ZNF107: variants seen among roughly 807,000 people sequenced by gnomAD.
ZNF107 encodes zinc finger protein 107.
In ZNF107, 19 loss-of-function variants were observed where a neutral mutation model predicts 12.3. The ratio of observed to expected loss-of-function variants is 1.55; its 90% CI spans 1.08 to 2.27. The LOEUF (loss-of-function observed/expected upper bound fraction) is 2.27. ZNF107 is among the 30% of genes most tolerant of loss of function. The probability of loss-of-function intolerance (pLI) is 0.00; values close to 1 mark genes in which losing one functional copy is unlikely to be tolerated. For missense variants in ZNF107, 958 were observed against 979.9 expected (o/e 0.98, Z 0.30); for synonymous variants, 317 against 330.5 (o/e 0.96, Z 0.44).
intron 3 of ZNF107, among the ~76,000 whole-genome samples, chr7:64,693,930 A>G (rs545834744): frequency 6.6e-6 from 1 of 152,268 alleles, no homozygotes; most frequent in Admixed American, 6.5e-5. Flanking sequence ...CTGGGATTAC[A>G]GATGTGTGCC....
Position 64,709,146 on chromosome 7 carries a change from A to G in ZNF107, c.*490A>G. On this transcript the variant is annotated 3_prime_UTR_variant, in exon 4 of 4. Transcript: ENST00000620827. ...GCCTACAATTGTGAAGAATGTGGCA[A>G]AGCTTTTAACCTTCCTTAACCCTTA... 2.2e-6 allele frequency: 1 copy of G among 462,432 alleles called. No homozygotes were observed. The allele number at this position is 462,432 out of a possible 1,614,324, so 28.6% of individuals were successfully genotyped here.
rs1330384654 is a variant in ZNF107 at position 64,709,698 on chromosome 7, C to T, written c.*1042C>T. On this transcript the variant is annotated 3_prime_UTR_variant, in exon 4 of 4. Coordinates refer to ENST00000620827, the MANE Select transcript of ZNF107 (RefSeq NM_001282359.2). Reference sequence around the variant, plus strand: ...GCATTTATACTTCAGAAAGATTGTACAAATACAAGGAATGTGGAAAAGCCA... The same window carrying T: ...GCATTTATACTTCAGAAAGATTGTATAAATACAAGGAATGTGGAAAAGCCA... The T allele has an allele frequency of 1.1e-5, 5 of 455,618 alleles. No homozygotes were observed. Among genetic ancestry groups the T allele is most frequent in the Non-Finnish European group, 2.2e-5 (5 of 226,680 alleles). The allele number at this position is 455,618 out of a possible 1,614,324, so 28.2% of individuals were successfully genotyped here.
chr7:64,693,266 G>A (rs1324577580), intron 3 of ZNF107, among the ~76,000 whole-genome samples: 1 of 149,078 alleles, frequency 6.7e-6, no homozygotes, highest in Admixed American at 6.7e-5. Context: ...GCCCGTCTCG[G>A]CCTCCCAAAG....
At chr7:64,673,235 G>A (rs1297473860) in intron 1 of ZNF107, among the ~76,000 whole-genome samples, 1 of 152,120 alleles carries the variant, frequency 6.6e-6, no homozygotes, top group Non-Finnish European at 1.5e-5. Flanking sequence ...GTAGAGATGG[G>A]GTTTCACCAT....
intron 3 of ZNF107, among the ~76,000 whole-genome samples, chr7:64,703,628 C>G (rs141667674): frequency 0.019 from 2,898 of 152,160 alleles, 81 homozygotes; most frequent in African/African-American, 0.064. Context: ...GGGGTTTCAC[C>G]ATGTTGGCCA....
At chr7:64,681,894 G>A (rs571376216) in intron 1 of ZNF107, among the ~76,000 whole-genome samples, 14 of 151,932 alleles carry the variant, frequency 9.2e-5, no homozygotes, top group East Asian at 7.8e-4. Context: ...CTATTATTCC[G>A]TTCTCAGCCT....
chr7:64,706,999 C>T lies in ZNF107; in HGVS notation c.902C>T (p.Thr301Ile). 1 of 1,613,516 alleles carries T rather than the reference C, an allele frequency of 6.2e-7. No individual in the cohort carries two copies. The highest frequency in any genetic ancestry group is 8.5e-7 in the Non-Finnish European group (1 of 1,179,772). ...GTCTTTAGCCAGTCCTCACACCTTA[C>T]TACACAAAAGATACTTCACACTGGA... ...GKVFSQSSHLTTQKILHTGEN... is the reference protein window; with the variant it reads ...GKVFSQSSHLITQKILHTGEN... Residue 301 changes from threonine to isoleucine, a missense_variant, in exon 4 of 4, where the codon ACT (threonine) becomes ATT (isoleucine). By Grantham distance (89) the Thr-to-Ile change is moderately conservative. Transcript: ENST00000620827.
chr7:64,686,611 G>T, intron 1 of ZNF107: 12 of 985,370 alleles, frequency 1.2e-5, no homozygotes, highest in Non-Finnish European at 1.4e-5. Flanking sequence ...CATTATTGAC[G>T]GTGGGCCATT....
In ZNF107 at chr7:64,710,136, A is replaced by T. The variant is rs1790836544; in HGVS notation, c.*1480A>T. Reference sequence around the variant, plus strand: ...AGAGCAAAAACTTCGTCTCAAAAACAAAACAAAAAAAGAGTATTCATTGTG... The same window carrying T: ...AGAGCAAAAACTTCGTCTCAAAAACTAAACAAAAAAAGAGTATTCATTGTG... On this transcript the variant is annotated 3_prime_UTR_variant, in exon 4 of 4. Transcript: ENST00000620827. The T allele has an allele frequency of 6.1e-6, 1 of 163,200 alleles. No homozygotes were observed. The allele number at this position is 163,200 out of a possible 1,614,324, so 10.1% of individuals were successfully genotyped here.
intron 1 of ZNF107, chr7:64,684,453 G>A (rs1252629935): frequency 2.3e-6 from 1 of 433,394 alleles, no homozygotes; most frequent in Non-Finnish European, 3.1e-6. Flanking sequence ...GTACCCCAAT[G>A]GCTGTCTGCT....
intron 1 of ZNF107, among the ~76,000 whole-genome samples, chr7:64,673,490 G>C (rs1327692207): frequency 2.0e-5 from 3 of 152,178 alleles, no homozygotes; most frequent in African/African-American, 7.2e-5. Context: ...TTAGACCTTT[G>C]TGAGAAGCAT....
At chr7:64,675,497 G>A (rs111418365) in intron 1 of ZNF107, among the ~76,000 whole-genome samples, 9 of 152,004 alleles carry the variant, frequency 5.9e-5, no homozygotes, top group African/African-American at 1.9e-4. Context: ...TCTTTGTCAT[G>A]AATCTAACTA....
chr7:64,681,799 G>A (rs144576160), intron 1 of ZNF107, among the ~76,000 whole-genome samples: 77 of 152,078 alleles, frequency 5.1e-4, no homozygotes, highest in Non-Finnish European at 8.7e-4. Flanking sequence ...CAAGACCTTC[G>A]TCTCATCAAT....
Position 64,708,033 on chromosome 7 carries a change from G to A in ZNF107, c.1936G>A (p.Glu646Lys). 1.2e-6 allele frequency: 2 copies of A among 1,613,458 alleles called. No homozygotes were observed. Among genetic ancestry groups the A allele is most frequent in the Non-Finnish European group, 1.7e-6 (2 of 1,179,710 alleles). The change falls in exon 4 of 4, where the codon GAG becomes AAG. Residue 646 changes from glutamate to lysine, a missense_variant. Glu to Lys is a moderately conservative substitution (Grantham distance 56). Transcript: ENST00000620827. ...TACACAAAAGATAATTCATACTGGA[G>A]AGAACCTCTACAAATTTGAAGAACA... ...LTTQKIIHTGENLYKFEEHGK... is the reference protein window; with the variant it reads ...LTTQKIIHTGKNLYKFEEHGK...
intron 1 of ZNF107, among the ~76,000 whole-genome samples, chr7:64,679,529 C>G (rs1203516035): frequency 6.6e-6 from 1 of 152,110 alleles, no homozygotes; most frequent in Admixed American, 6.5e-5. Context: ...GGGACACCTG[C>G]TGAAGGTCCT....
Position 64,677,649 on chromosome 7 carries a change from C to T in ZNF107, c.3+11364C>T, listed in dbSNP as rs372942355. Among the ~76,000 whole-genome samples the T allele has an allele frequency of 4.6e-5, 7 of 151,192 alleles. No individual in the cohort carries two copies. The South Asian group carries it at 6.3e-4, about 14-fold the overall frequency. ...CGGGCGGATCATGAGATCAGGAGAT[C>T]GAGACCATCCTGGCTAACACGGTGA... On this transcript the variant is annotated intron_variant, in intron 1 of 3. Coordinates refer to ENST00000620827, the MANE Select transcript of ZNF107 (RefSeq NM_001282359.2).
At chr7:64,690,803 G>A (rs919489362) in intron 1 of ZNF107, among the ~76,000 whole-genome samples, 1 of 151,912 alleles carries the variant, frequency 6.6e-6, no homozygotes, top group Non-Finnish European at 1.5e-5. Context: ...GTGCAGTGGA[G>A]CAATCTCAGC....
chr7:64,701,627 C>G (rs918802828), intron 3 of ZNF107, among the ~76,000 whole-genome samples: 12 of 151,568 alleles, frequency 7.9e-5, no homozygotes, highest in Non-Finnish European at 1.8e-4. Flanking sequence ...TTTACTTACT[C>G]ATTCATATTT....
rs1385288675 is a variant in ZNF107, at chr7:64,694,543, T to G, written c.226+2583T>G. Among the ~76,000 whole-genome samples the G allele has an allele frequency of 2.6e-5, 4 of 152,164 alleles. No individual in the cohort carries two copies. The East Asian group carries it at 5.8e-4, about 22-fold the overall frequency. On this transcript the variant is annotated intron_variant, in intron 3 of 3. Coordinates refer to ENST00000620827, the MANE Select transcript of ZNF107 (RefSeq NM_001282359.2). ...TTTTGTTTTTTGTTTTTAAAGGCACTTATTTTTTAGATGGGTTCTTGCTTT... is the reference window on the plus strand; with the variant it reads ...TTTTGTTTTTTGTTTTTAAAGGCACGTATTTTTTAGATGGGTTCTTGCTTT...
Sources: gnomAD v4.1 joint callset for allele counts (sites outside exome capture counted in the v4.1 genomes callset) on GRCh38, gnomAD v4.1.1 for gene constraint, MANE v1.5 for transcripts, NCBI Gene and HGNC (gene_info 2026-07-23, HGNC 2026-07-21) for gene names.